Variants in HIP1 observed in about 807,000 individuals in gnomAD.
HIP1 encodes huntingtin-interacting protein 1.
A neutral mutation model predicts 147.6 loss-of-function variants in HIP1; 65 were observed. That is an observed-to-expected ratio of 0.44 (90% CI 0.36 to 0.54). HIP1 has a LOEUF of 0.54. HIP1 is among the 20% of genes least tolerant of loss of function. The pLI, the probability that HIP1 is intolerant of heterozygous loss-of-function variation, is 0.00. For synonymous variants in HIP1, 479 were observed against 504.0 expected, an observed-to-expected ratio of 0.95 and a Z score of 0.67; for missense variants, 1,061 against 1,299.6, an observed-to-expected ratio of 0.82 and a Z score of 2.82.
intron 1 of HIP1, among the ~76,000 whole-genome samples, chr7:75,712,106 C>T (rs1297754410): frequency 6.6e-6 from 1 of 152,170 alleles, no homozygotes; most frequent in Non-Finnish European, 1.5e-5. Context: ...ATAATTAAAA[C>T]ATTGACACCT....
intron 1 of HIP1, among the ~76,000 whole-genome samples, chr7:75,653,541 C>A (rs1799059789): frequency 6.6e-6 from 1 of 151,874 alleles, no homozygotes; most frequent in African/African-American, 2.4e-5. Flanking sequence ...GTAGTACCAG[C>A]TAATCAGGAG....
chr7:75,566,630 T>C (rs1795412610), intron 9 of HIP1, among the ~76,000 whole-genome samples: 1 of 151,388 alleles, frequency 6.6e-6, no homozygotes, highest in Admixed American at 6.6e-5. Context: ...GCCCTTTCCC[T>C]GTTTTACTTG....
At chr7:75,637,542 T>C (rs1554509850) in intron 1 of HIP1, among the ~76,000 whole-genome samples, 1 of 134,464 alleles carries the variant, frequency 7.4e-6, no homozygotes, top group South Asian at 2.4e-4. Flanking sequence ...GAGGATTTTT[T>C]TTTTTTTTTT....
At chr7:75,618,283 C>G (rs1797735275) in intron 1 of HIP1, among the ~76,000 whole-genome samples, 1 of 152,168 alleles carries the variant, frequency 6.6e-6, no homozygotes, top group South Asian at 2.1e-4. Flanking sequence ...TCCCGAGTGG[C>G]TGGGATTACA....
At chr7:75,659,858 T>G (rs1187157219) in intron 1 of HIP1, among the ~76,000 whole-genome samples, 1 of 151,960 alleles carries the variant, frequency 6.6e-6, no homozygotes, top group Non-Finnish European at 1.5e-5. Flanking sequence ...CTGGGGGTGG[T>G]GGCTCACACC....
chr7:75,662,120 G>T (rs1799339727), intron 1 of HIP1, among the ~76,000 whole-genome samples: 1 of 150,976 alleles, frequency 6.6e-6, no homozygotes, highest in African/African-American at 2.4e-5. Flanking sequence ...AGCTGGCGAT[G>T]TCATGGGGGA....
Position 75,536,522 on chromosome 7 carries a change from C to G in HIP1, c.*1650G>C, listed in dbSNP as rs1794090265. 4.3e-6 allele frequency: 1 copy of G among 230,364 alleles called. No homozygotes were observed. Among genetic ancestry groups the G allele is most frequent in the Non-Finnish European group, 8.6e-6 (1 of 116,148 alleles). The allele number at this position is 230,364 out of a possible 1,614,324, so 14.3% of individuals were successfully genotyped here. A position where few individuals can be genotyped will look rare whatever the true frequency, so the allele number is the denominator to read the frequency against. On this transcript the variant is annotated 3_prime_UTR_variant, in exon 31 of 31. Coordinates refer to ENST00000336926, the MANE Select transcript of HIP1 (RefSeq NM_005338.7). Reference sequence around the variant, plus strand: ...AAGGAAGACGCTGTTTTTCCAAGATCAGAAGGTCACTTAAATGCTGGGGTC... The same window carrying G: ...AAGGAAGACGCTGTTTTTCCAAGATGAGAAGGTCACTTAAATGCTGGGGTC...
intron 9 of HIP1, among the ~76,000 whole-genome samples, chr7:75,563,678 CT>C (rs1333079873): frequency 4.6e-5 from 7 of 152,184 alleles, no homozygotes; most frequent in African/African-American, 1.7e-4. Context: ...TAGCTCTCTT[CT>C]TTCATTACTT....
chr7:75,578,684 C>G (rs887403184), intron 7 of HIP1, among the ~76,000 whole-genome samples: 1 of 151,930 alleles, frequency 6.6e-6, no homozygotes, highest in Admixed American at 6.6e-5. Flanking sequence ...TCAAAAGAAA[C>G]AACAACAAAA....
At chr7:75,693,965 G>C (rs1554518497) in intron 1 of HIP1, among the ~76,000 whole-genome samples, 2 of 123,516 alleles carry the variant, frequency 1.6e-5, no homozygotes, top group East Asian at 4.8e-4. Context: ...TGCCACCCAG[G>C]CTGGAGTGCA....
At chr7:75,557,819 G>T in intron 15 of HIP1, 49 bp from the exon 16 acceptor site, 1 of 1,360,178 alleles carries the variant, frequency 7.4e-7, no homozygotes, top group Non-Finnish European at 1.1e-6. Flanking sequence ...AGGCTTAGAG[G>T]ACATCCTCCT....
chr7:75,696,479 C>T (rs1326171877), intron 1 of HIP1, among the ~76,000 whole-genome samples: 4 of 149,778 alleles, frequency 2.7e-5, no homozygotes, highest in African/African-American at 5.0e-5. Context: ...TCCTTTCCTT[C>T]CTTTCCTTTC....
intron 7 of HIP1, among the ~76,000 whole-genome samples, chr7:75,576,557 AC>A (rs1554497754): frequency 6.6e-6 from 1 of 152,022 alleles, no homozygotes; most frequent in East Asian, 1.9e-4. Context: ...CCCCATCTCT[AC>A]TAAAAATACA....
At chr7:75,707,653 G>A (rs1366805405) in intron 1 of HIP1, among the ~76,000 whole-genome samples, 1 of 150,438 alleles carries the variant, frequency 6.6e-6, no homozygotes, top group Admixed American at 6.6e-5. Flanking sequence ...TCAATCCTAA[G>A]CCAAAAGAAC....
chr7:75,678,690 G>A (rs1460120958), intron 1 of HIP1, among the ~76,000 whole-genome samples: 1 of 152,152 alleles, frequency 6.6e-6, no homozygotes, highest in Non-Finnish European at 1.5e-5. Context: ...CACAGCTGAA[G>A]CTTGTGCACG....
At chr7:75,718,350 C>G (rs1358978634) in intron 1 of HIP1, among the ~76,000 whole-genome samples, 2 of 151,688 alleles carry the variant, frequency 1.3e-5, no homozygotes, top group Non-Finnish European at 2.9e-5. Flanking sequence ...GAGGAAGACT[C>G]TGTCTCTAAA....
chr7:75,722,268 C>G (rs1430949804), intron 1 of HIP1, among the ~76,000 whole-genome samples: 2 of 152,116 alleles, frequency 1.3e-5, no homozygotes, highest in East Asian at 3.8e-4. Context: ...CGTAATTATG[C>G]CACTGCACTC....
intron 1 of HIP1, among the ~76,000 whole-genome samples, chr7:75,614,805 A>T (rs1427021965): frequency 6.6e-6 from 1 of 151,782 alleles, no homozygotes; most frequent in Non-Finnish European, 1.5e-5. Context: ...ACGGAGTCTC[A>T]CTCTGTCACC....
chr7:75,538,074 C>T lies in HIP1; in HGVS notation c.*98G>A. ...CTGGGTAATGGCAGTGGTGTGGCTG[C>T]CCCTGGGACTCCAAGGATTTGGCCT... On this transcript the variant is annotated 3_prime_UTR_variant, in exon 31 of 31. Coordinates refer to ENST00000336926, the MANE Select transcript of HIP1 (RefSeq NM_005338.7). 2 of 949,828 alleles carry T rather than the reference C, an allele frequency of 2.1e-6. No homozygotes were observed. The highest frequency in any genetic ancestry group is 1.7e-5 in the Admixed American group (1 of 58,726). The allele number at this position is 949,828 out of a possible 1,614,324, so 58.8% of individuals were successfully genotyped here. A position where few individuals can be genotyped will look rare whatever the true frequency, so the allele number is the denominator to read the frequency against.
Sources: allele counts gnomAD v4.1 joint callset (sites outside exome capture counted in the v4.1 genomes callset), GRCh38; gene constraint gnomAD v4.1.1; transcripts MANE v1.5; gene names NCBI Gene and HGNC (gene_info 2026-07-23, HGNC 2026-07-21).